The following ZNF385B variants were observed in gnomAD, a reference collection of about 807,000 sequenced individuals.
ZNF385B encodes the protein zinc finger protein 385B, also known as zinc finger protein 533.
Under a neutral mutation model 39.2 loss-of-function variants are expected in ZNF385B, and 23 were observed. That is an observed-to-expected ratio of 0.59 (90% confidence interval 0.42 to 0.83). ZNF385B has a LOEUF of 0.83. Among genes scored for constraint, ZNF385B ranks in the 40% least tolerant of loss-of-function variants. The probability of loss-of-function intolerance (pLI) is 0.00; values close to 1 mark genes in which losing one functional copy is unlikely to be tolerated. For missense variants in ZNF385B, 552 were observed against 598.9 expected, an observed-to-expected ratio of 0.92 and a Z score of 0.82; for synonymous variants, 205 against 222.6, an observed-to-expected ratio of 0.92 and a Z score of 0.70.
At chr2:179,467,407 T>C (rs547977973) in intron 6 of ZNF385B, among the ~76,000 whole-genome samples, 1 of 152,334 alleles carries the variant, frequency 6.6e-6, no homozygotes, top group South Asian at 2.1e-4. Flanking sequence ...TGGACCACCT[T>C]TGGAAACAGA....
intron 3 of ZNF385B, among the ~76,000 whole-genome samples, chr2:179,639,201 C>G (rs1408747252): frequency 1.6e-5 from 2 of 126,500 alleles, no homozygotes; most frequent in African/African-American, 5.9e-5. Context: ...GTACTCCAGT[C>G]TGGGGACAGA....
intron 1 of ZNF385B, among the ~76,000 whole-genome samples, chr2:179,797,254 A>G (rs1280387467): frequency 6.6e-6 from 1 of 152,138 alleles, no homozygotes; most frequent in African/African-American, 2.4e-5. Context: ...ACAAATTAAC[A>G]TCTTGTGTTT....
At chr2:179,580,982 G>A (rs1463551096) in intron 3 of ZNF385B, among the ~76,000 whole-genome samples, 1 of 152,134 alleles carries the variant, frequency 6.6e-6, no homozygotes, top group African/African-American at 2.4e-5. Flanking sequence ...CATGAATGGG[G>A]TTCAGTATAA....
chr2:179,797,066 A>G (rs534296342), intron 1 of ZNF385B, among the ~76,000 whole-genome samples: 120 of 152,324 alleles, frequency 7.9e-4, no homozygotes, highest in African/African-American at 2.8e-3. Flanking sequence ...GGGTTTAAAA[A>G]AAAACCCTAA....
At chr2:179,579,458 AGT>A (rs1187453475) in intron 3 of ZNF385B, among the ~76,000 whole-genome samples, 1 of 152,118 alleles carries the variant, frequency 6.6e-6, no homozygotes, top group Non-Finnish European at 1.5e-5. Flanking sequence ...GCTTGCTTAA[AGT>A]ATAACTGACA....
rs184379260 is a variant in ZNF385B at position 179,756,817 on chromosome 2, G to T, written c.298+12686C>A. 1.1e-3 allele frequency among the ~76,000 whole-genome samples: 167 copies of T among 152,252 alleles called. 1 individual carries two copies. The highest frequency in any genetic ancestry group is 3.7e-3 in the African/African-American group (152 of 41,540). On this transcript the variant is annotated intron_variant, in intron 3 of 9. Transcript: ENST00000410066. ...ATGCCATGGTTTTCAGCTCCATCAG[G>T]TCATTTAAGGACTTCTCTACACTGG...
At chr2:179,721,515 A>G (rs1700696708) in intron 3 of ZNF385B, among the ~76,000 whole-genome samples, 1 of 152,140 alleles carries the variant, frequency 6.6e-6, no homozygotes. Flanking sequence ...TATCAGCAAA[A>G]TACAAGAAAT....
At chr2:179,682,925 T>C (rs1697632134) in intron 3 of ZNF385B, among the ~76,000 whole-genome samples, 1 of 152,200 alleles carries the variant, frequency 6.6e-6, no homozygotes, top group Non-Finnish European at 1.5e-5. Flanking sequence ...AGGAGCAGCC[T>C]GGCTATGCAA....
At chr2:179,729,075 TTACTC>T (rs1053499299) in intron 3 of ZNF385B, among the ~76,000 whole-genome samples, 6 of 150,978 alleles carry the variant, frequency 4.0e-5, no homozygotes, top group Admixed American at 2.0e-4. Flanking sequence ...CATAAAATAT[TTACTC>T]TAAAGTCAAA....
chr2:179,684,148 T>G (rs1308268358), intron 3 of ZNF385B, among the ~76,000 whole-genome samples: 1 of 152,234 alleles, frequency 6.6e-6, no homozygotes, highest in Non-Finnish European at 1.5e-5. Context: ...CAATCTGCTA[T>G]CAGGAGCCTC....
At chr2:179,785,812 G>A (rs1215087667) in intron 1 of ZNF385B, among the ~76,000 whole-genome samples, 1 of 152,142 alleles carries the variant, frequency 6.6e-6, no homozygotes, top group Non-Finnish European at 1.5e-5. Flanking sequence ...TCGCTGAAAT[G>A]ACATTAAATA....
At chr2:179,786,958 T>G (rs942483263) in intron 1 of ZNF385B, among the ~76,000 whole-genome samples, 1 of 152,130 alleles carries the variant, frequency 6.6e-6, no homozygotes, top group Admixed American at 6.6e-5. Flanking sequence ...TCAGTCAATC[T>G]GAAAAGCACA....
At chr2:179,448,944 G>A (rs1231899854) in intron 6 of ZNF385B, among the ~76,000 whole-genome samples, 1 of 152,070 alleles carries the variant, frequency 6.6e-6, no homozygotes, top group African/African-American at 2.4e-5. Flanking sequence ...ATTTGATTTA[G>A]GTTATATTGA....
chr2:179,655,870 G>C lies in ZNF385B; in HGVS notation c.299-110901C>G, dbSNP rs201569417. Among the ~76,000 whole-genome samples, 11 of 152,114 alleles carry C rather than the reference G, an allele frequency of 7.2e-5. No individual in the cohort carries two copies. The East Asian group carries it at 1.9e-3, about 27-fold the overall frequency. On this transcript the variant is annotated intron_variant, in intron 3 of 9. Transcript: ENST00000410066. Reference sequence around the variant, plus strand: ...AGTAATACTGAGTCATGGTTCTAGGGGAATAAAACAATTACTTTACAGCTC... The same window carrying C: ...AGTAATACTGAGTCATGGTTCTAGGCGAATAAAACAATTACTTTACAGCTC...
At chr2:179,834,483 A>G (rs1267630312) in intron 1 of ZNF385B, among the ~76,000 whole-genome samples, 1 of 152,172 alleles carries the variant, frequency 6.6e-6, no homozygotes, top group Non-Finnish European at 1.5e-5. Context: ...GTGAATGATA[A>G]ATAATGACTT....
chr2:179,799,709 G>A (rs1392458147), intron 1 of ZNF385B, among the ~76,000 whole-genome samples: 1 of 151,880 alleles, frequency 6.6e-6, no homozygotes, highest in Non-Finnish European at 1.5e-5. Flanking sequence ...TACTATTGTG[G>A]GAAAAAATAA....
At chr2:179,797,092 A>G (rs917596649) in intron 1 of ZNF385B, among the ~76,000 whole-genome samples, 4 of 152,204 alleles carry the variant, frequency 2.6e-5, no homozygotes, top group African/African-American at 9.6e-5. Context: ...GATTCTTCTT[A>G]ATATAATAAC....
intron 3 of ZNF385B, chr2:179,584,000 C>T (rs1039785905): frequency 2.5e-6 from 3 of 1,206,640 alleles, no homozygotes; most frequent in Admixed American, 2.3e-5. Flanking sequence ...TGCCAAACAA[C>T]CTGCTACTTG....
At chr2:179,505,164 G>C (rs2057138857) in intron 5 of ZNF385B, among the ~76,000 whole-genome samples, 1 of 152,050 alleles carries the variant, frequency 6.6e-6, no homozygotes, top group Non-Finnish European at 1.5e-5. Flanking sequence ...TCTTGACCGT[G>C]GCAGAGGTTA....
Sources: allele counts gnomAD v4.1 joint callset (sites outside exome capture counted in the v4.1 genomes callset), GRCh38; gene constraint gnomAD v4.1.1; transcripts MANE v1.5; gene names NCBI Gene and HGNC (gene_info 2026-07-23, HGNC 2026-07-21).